Variants in FAM161A observed in about 807,000 individuals in gnomAD.
FAM161A encodes the protein protein FAM161A.
A neutral mutation model predicts 70.9 loss-of-function variants in FAM161A; 57 were observed. The ratio of observed to expected loss-of-function variants is 0.80; its 90% CI spans 0.65 to 1.00. The LOEUF is 1.00. Ranked by LOEUF, FAM161A falls within the 50% of genes least tolerant of loss-of-function variation. FAM161A has a pLI of 0.00. For missense variants in FAM161A, 880 were observed against 836.0 expected, an observed-to-expected ratio of 1.05 and a Z score of -0.65; for synonymous variants, 299 against 295.7, an observed-to-expected ratio of 1.01 and a Z score of -0.12.
chr2:61,853,754 G>A (rs745790475), intron 1 of FAM161A, 105 bp downstream of exon 1: 7 of 1,290,546 alleles, frequency 5.4e-6, no homozygotes, highest in African/African-American at 1.5e-5. Context: ...TGTGCACAGG[G>A]ACCCGCGTTT....
Position 61,840,353 on chromosome 2 carries a change from A to C in FAM161A, c.651T>G (p.Thr217=). The part of the protein sequence containing the change: ...CVEDYIRCKD[T]GFHAAEKRRK... The stretch of plus-strand genomic sequence containing the variant: ...TTCTTTTTTCAGCTGCATGGAAGCC[A>C]GTATCTTTACAGCGAATATAATCCT... Residue 217 remains threonine (T), a synonymous_variant, in exon 3 of 7, where the codon ACT becomes ACG. Transcript: ENST00000404929. The C allele has an allele frequency of 6.2e-7, 1 of 1,614,156 alleles. No individual in the cohort carries two copies. Among genetic ancestry groups the C allele is most frequent in the Non-Finnish European group, 8.5e-7 (1 of 1,180,032 alleles).
the FAM161A span, among the ~76,000 whole-genome samples, chr2:61,812,578 C>G: frequency 6.6e-5 from 10 of 151,794 alleles, no homozygotes; most frequent in Non-Finnish European, 8.8e-5. Flanking sequence ...AAAAATTAGC[C>G]GGGCATGGTG....
At chr2:61,804,770 G>GAAAGAA in the FAM161A span, among the ~76,000 whole-genome samples, 1 of 100,130 alleles carries the variant, frequency 1.0e-5, no homozygotes, top group Non-Finnish European at 2.1e-5. Flanking sequence ...AAAAGAAAGA[G>GAAAGAA]AAAGAAAGAA....
intron 4 of FAM161A, chr2:61,836,861 A>G: frequency 4.0e-6 from 1 of 247,032 alleles, no homozygotes; most frequent in Non-Finnish European, 8.9e-6. Flanking sequence ...GGCATGAGCC[A>G]TTGCGCCTGG....
chr2:61,821,373 T>C (rs1029977738), downstream of FAM161A, among the ~76,000 whole-genome samples: 4 of 152,204 alleles, frequency 2.6e-5, no homozygotes, highest in African/African-American at 9.6e-5. Context: ...TTAATAGTTA[T>C]ATACCAATTT....
chr2:61,833,586 G>C (rs986922190), intron 5 of FAM161A, among the ~76,000 whole-genome samples: 1 of 152,156 alleles, frequency 6.6e-6, no homozygotes, highest in African/African-American at 2.4e-5. Flanking sequence ...GTGTGCTTCC[G>C]AGAGGACGTG....
Position 61,840,415 on chromosome 2 carries a change from C to A in FAM161A, c.589G>T (p.Glu197Ter). The A allele has an allele frequency of 6.2e-7, 1 of 1,614,016 alleles. No homozygotes were observed. Among genetic ancestry groups the A allele is most frequent in the Non-Finnish European group, 8.5e-7 (1 of 1,179,998 alleles). ...RKNRMMTYAK[E>*]LINNMWTDFC... Reference sequence around the variant, plus strand: ...TCTGTCCACATATTGTTGATGAGCTCCTTAGCATAGGTCATCATTCTGTTT... The same window carrying A: ...TCTGTCCACATATTGTTGATGAGCTACTTAGCATAGGTCATCATTCTGTTT... Residue 197 changes from glutamate to a stop codon, truncating the protein, a stop_gained, in exon 3 of 7, where the codon GAG becomes TAG. Coordinates refer to ENST00000404929, the MANE Select transcript of FAM161A (RefSeq NM_001201543.2). LOFTEE classifies it high-confidence loss of function.
chr2:61,828,574 G>A (rs553061831), intron 5 of FAM161A, among the ~76,000 whole-genome samples: 3 of 152,082 alleles, frequency 2.0e-5, no homozygotes, highest in South Asian at 2.1e-4. Flanking sequence ...GTGATCCACC[G>A]GCCTTGGCCT....
At chr2:61,853,672 C>T (rs191983970) in intron 1 of FAM161A, among the ~76,000 whole-genome samples, 187 bp downstream of exon 1, 2 of 152,178 alleles carry the variant, frequency 1.3e-5, no homozygotes, top group African/African-American at 4.8e-5. Context: ...AAACACTTTT[C>T]AACGCCTCGA....
intron 1 of FAM161A, among the ~76,000 whole-genome samples, chr2:61,853,273 G>C (rs1342385713): frequency 1.3e-5 from 2 of 152,156 alleles, no homozygotes; most frequent in Non-Finnish European, 2.9e-5. Context: ...TGCTGGACTG[G>C]TGTCCACAAC....
the FAM161A span, among the ~76,000 whole-genome samples, chr2:61,800,612 G>A: frequency 6.6e-6 from 1 of 152,192 alleles, no homozygotes; most frequent in East Asian, 1.9e-4. Context: ...CTGAGAGTTG[G>A]CCAGATCATG....
chr2:61,805,459 T>C, the FAM161A span, among the ~76,000 whole-genome samples: 1 of 152,134 alleles, frequency 6.6e-6, no homozygotes, highest in East Asian at 1.9e-4. Flanking sequence ...GAGATTGCAG[T>C]GAGCCAAGAT....
intron 5 of FAM161A, among the ~76,000 whole-genome samples, chr2:61,829,061 A>C (rs1672478795): frequency 6.6e-6 from 1 of 152,190 alleles, no homozygotes. Context: ...TGGCATTCAT[A>C]CTGGGAAGGG....
Position 61,826,847 on chromosome 2 carries a change from G to A in FAM161A, c.2007-248C>T, listed in dbSNP as rs142802290. Among the ~76,000 whole-genome samples, 52 of 152,262 alleles carry A rather than the reference G, an allele frequency of 3.4e-4. 1 individual carries two copies. The highest frequency in any genetic ancestry group is 1.1e-3 in the African/African-American group (47 of 41,556). On this transcript the variant is annotated intron_variant, in intron 6 of 6. Coordinates refer to ENST00000404929, the MANE Select transcript of FAM161A (RefSeq NM_001201543.2). ...TTCTTTAAACTTCATTTGAAAGCAT[G>A]CTATTATTTTTGTTACTTATGTCTT...
chr2:61,801,187 A>C, the FAM161A span, among the ~76,000 whole-genome samples: 1 of 152,064 alleles, frequency 6.6e-6, no homozygotes, highest in East Asian at 1.9e-4. Flanking sequence ...GGAAATCTTA[A>C]AGAACACCAC....
intron 5 of FAM161A, among the ~76,000 whole-genome samples, chr2:61,832,254 A>G (rs528565227): frequency 3.9e-4 from 59 of 151,564 alleles, no homozygotes; most frequent in African/African-American, 1.4e-3. Flanking sequence ...CACACACAAA[A>G]AAAAACCAAC....
At chr2:61,820,325 G>A, downstream of FAM161A, 1 of 742,322 alleles carries the variant, frequency 1.3e-6, no homozygotes, top group Non-Finnish European at 2.5e-6. Flanking sequence ...CTCACAGGCT[G>A]TGTGGTCATG....
Position 61,839,557 on chromosome 2 carries a change from AAT to A in FAM161A, c.1445_1446del (p.Asn482IlefsTer14). On this transcript the variant is annotated frameshift_variant, in exon 3 of 7. Coordinates refer to ENST00000404929, the MANE Select transcript of FAM161A (RefSeq NM_001201543.2). LOFTEE classifies it high-confidence loss of function. ...AAATAAGGCCAACGTGTTTCTTTTA[AAT>A]TTTCTTCATCTGCTTCGATGTCTGC... ...ILADIEADEENLKETRWPYLS... is the reference protein window; with the variant it reads ...ILADIEADEEXLKETRWPYLS... 6.2e-7 allele frequency: 1 copy of A among 1,614,132 alleles called. No individual in the cohort carries two copies. The highest frequency in any genetic ancestry group is 8.5e-7 in the Non-Finnish European group (1 of 1,180,024).
At chr2:61,814,062 T>C in the FAM161A span, among the ~76,000 whole-genome samples, 3 of 151,938 alleles carry the variant, frequency 2.0e-5, no homozygotes, top group Non-Finnish European at 1.5e-5. Flanking sequence ...GAGGCAGCAA[T>C]GGGAGGGAAC....
Sources: allele counts gnomAD v4.1 joint callset (sites outside exome capture counted in the v4.1 genomes callset), GRCh38; gene constraint gnomAD v4.1.1; transcripts MANE v1.5; gene names NCBI Gene and HGNC (gene_info 2026-07-23, HGNC 2026-07-21).